The following BACH2 variants were observed in gnomAD, a reference collection of about 807,000 sequenced individuals.
The protein encoded by BACH2 is transcription regulator protein BACH2.
In BACH2, 5 loss-of-function variants were observed where a neutral mutation model predicts 61.8. The ratio of observed to expected loss-of-function variants is 0.08; its 90% CI spans 0.04 to 0.17. The LOEUF is 0.17. Among genes scored for constraint, BACH2 ranks in the 10% least tolerant of loss-of-function variants. The probability of loss-of-function intolerance (pLI) is 1.00; values close to 1 mark genes in which losing one functional copy is unlikely to be tolerated. For synonymous variants in BACH2, 446 were observed against 440.1 expected (o/e 1.01, Z -0.17); for missense variants, 824 against 1,091.1 (o/e 0.76, Z 3.45).
At chr6:90,055,905 A>C (rs896065678) in intron 5 of BACH2, among the ~76,000 whole-genome samples, 20 of 152,322 alleles carry the variant, frequency 1.3e-4, no homozygotes, top group African/African-American at 4.6e-4. Context: ...AAAATACTTT[A>C]CAGACAAGCA....
intron 5 of BACH2, among the ~76,000 whole-genome samples, chr6:90,031,151 A>T (rs527271118): frequency 6.6e-6 from 1 of 152,204 alleles, no homozygotes; most frequent in East Asian, 1.9e-4. Flanking sequence ...ACAAAATTCA[A>T]CAACCTTCAT....
At chr6:89,953,500 C>T (rs1774247167) in intron 6 of BACH2, among the ~76,000 whole-genome samples, 1 of 152,142 alleles carries the variant, frequency 6.6e-6, no homozygotes, top group Admixed American at 6.5e-5. Flanking sequence ...GCCATGACTG[C>T]TAGACCCACA....
chr6:90,154,326 A>C (rs1450157725), intron 4 of BACH2, among the ~76,000 whole-genome samples: 1 of 152,220 alleles, frequency 6.6e-6, no homozygotes, highest in African/African-American at 2.4e-5. Context: ...AAAAAGTCTC[A>C]AGAGCCCAAT....
intron 6 of BACH2, among the ~76,000 whole-genome samples, chr6:89,969,816 T>G (rs1422812080): frequency 6.6e-6 from 1 of 152,102 alleles, no homozygotes; most frequent in Admixed American, 6.5e-5. Flanking sequence ...AGAGGACACA[T>G]ATACCAGTCC....
At chr6:90,070,289 A>G (rs2127801300) in intron 5 of BACH2, among the ~76,000 whole-genome samples, 1 of 152,324 alleles carries the variant, frequency 6.6e-6, no homozygotes, top group East Asian at 1.9e-4. Context: ...GCATGGCAAG[A>G]AATGCAGGCT....
chr6:90,183,748 G>C (rs1460317274), intron 4 of BACH2, among the ~76,000 whole-genome samples: 1 of 152,190 alleles, frequency 6.6e-6, no homozygotes, highest in Non-Finnish European at 1.5e-5. Flanking sequence ...AAGGATGTTT[G>C]ACTGGGTTCT....
intron 2 of BACH2, among the ~76,000 whole-genome samples, chr6:90,259,472 C>T (rs1271801847): frequency 6.6e-6 from 1 of 152,162 alleles, no homozygotes; most frequent in South Asian, 2.1e-4. Context: ...ATTTGGTTTC[C>T]TAATATTTTA....
intron 4 of BACH2, among the ~76,000 whole-genome samples, chr6:90,172,707 G>C (rs1767858075): frequency 6.6e-6 from 1 of 152,048 alleles, no homozygotes; most frequent in Non-Finnish European, 1.5e-5. Context: ...CAAAAAATAA[G>C]AAAGTTTACT....
chr6:89,941,901 T>C (rs138903140), intron 7 of BACH2, among the ~76,000 whole-genome samples: 1 of 152,190 alleles, frequency 6.6e-6, no homozygotes, highest in East Asian at 1.9e-4. Flanking sequence ...TATAAAACAC[T>C]AGGGGAATAG....
At chr6:90,007,719 T>A (rs1777486539) in intron 6 of BACH2, among the ~76,000 whole-genome samples, 1 of 152,190 alleles carries the variant, frequency 6.6e-6, no homozygotes, top group Non-Finnish European at 1.5e-5. Flanking sequence ...CTCTAGGGAA[T>A]CTATTTGCAA....
intron 4 of BACH2, among the ~76,000 whole-genome samples, chr6:90,193,612 C>G (rs530444868): frequency 6.6e-6 from 1 of 152,160 alleles, no homozygotes; most frequent in Non-Finnish European, 1.5e-5. Flanking sequence ...GGCCAGAAGA[C>G]GGAAGGCACC....
chr6:90,063,956 A>G (rs1780817047), intron 5 of BACH2, among the ~76,000 whole-genome samples: 1 of 152,174 alleles, frequency 6.6e-6, no homozygotes, highest in Non-Finnish European at 1.5e-5. Flanking sequence ...AATATATTTA[A>G]ACCAATGGCC....
chr6:90,102,833 T>TAAAAAA (rs1238259017), intron 4 of BACH2, among the ~76,000 whole-genome samples: 2 of 133,014 alleles, frequency 1.5e-5, no homozygotes, highest in Admixed American at 7.7e-5. Context: ...ATAATAATAA[T>TAAAAAA]AATAATAAAA....
intron 2 of BACH2, among the ~76,000 whole-genome samples, chr6:90,256,585 A>G (rs1239518278): frequency 6.6e-6 from 1 of 152,242 alleles, no homozygotes; most frequent in Non-Finnish European, 1.5e-5. Flanking sequence ...TTGTGTTAGA[A>G]CAGTGAAATG....
intron 4 of BACH2, among the ~76,000 whole-genome samples, chr6:90,116,492 G>A (rs1783404610): frequency 6.6e-6 from 1 of 152,142 alleles, no homozygotes; most frequent in Non-Finnish European, 1.5e-5. Flanking sequence ...GGGTCTACTT[G>A]AGGAAGGAGG....
In BACH2 at chr6:90,035,329, T is replaced by C. The variant is rs995406464; in HGVS notation, c.-12-26473A>G. Among the ~76,000 whole-genome samples the C allele has an allele frequency of 2.6e-5, 4 of 152,164 alleles. No homozygotes were observed. In the South Asian group the frequency reaches 6.2e-4, roughly 24 times the overall value. Reference sequence around the variant, plus strand: ...GGGAAAAAACCTAGCTAGAAATTTATGGCCTCTTCCCATAACCAGTATTTA... The same window carrying C: ...GGGAAAAAACCTAGCTAGAAATTTACGGCCTCTTCCCATAACCAGTATTTA... On this transcript the variant is annotated intron_variant, in intron 5 of 8. Transcript: ENST00000257749.
At position 89,930,961 on chromosome 6, in the gene BACH2, G is replaced by A. The variant is rs1469494375; in HGVS notation, c.*1447C>T. 6 of 149,726 alleles carry A rather than the reference G, an allele frequency of 4.0e-5. No individual in the cohort carries two copies. The highest frequency in any genetic ancestry group is 7.5e-5 in the Non-Finnish European group (5 of 66,348). The allele number at this position is 149,726 out of a possible 1,614,324, so 9.3% of individuals were successfully genotyped here. On this transcript the variant is annotated 3_prime_UTR_variant, in exon 9 of 9. Transcript: ENST00000257749. ...CCAATGGGGTGAAGGCAGGACCTTC[G>A]GGGCTGTGATTCAAATCCCCTCAGG... is the stretch of plus-strand genomic sequence containing the variant.
At chr6:90,230,537 C>T (rs1770061358) in intron 3 of BACH2, among the ~76,000 whole-genome samples, 1 of 152,194 alleles carries the variant, frequency 6.6e-6, no homozygotes. Flanking sequence ...GGAATTTCAT[C>T]CTTTCCTCAC....
At chr6:89,980,150 T>C (rs1472608623) in intron 6 of BACH2, among the ~76,000 whole-genome samples, 2 of 151,952 alleles carry the variant, frequency 1.3e-5, no homozygotes, top group Non-Finnish European at 2.9e-5. Flanking sequence ...AAAAATTAGC[T>C]GGGCGTGGTG....
Sources: gnomAD v4.1 joint callset for allele counts (sites outside exome capture counted in the v4.1 genomes callset) on GRCh38, gnomAD v4.1.1 for gene constraint, MANE v1.5 for transcripts, NCBI Gene and HGNC (gene_info 2026-07-23, HGNC 2026-07-21) for gene names.